The following RYR1 variants were observed in gnomAD, a reference collection of about 807,000 sequenced individuals.
RYR1 encodes central core disease of muscle.
A neutral mutation model predicts 583.5 loss-of-function variants in RYR1; 342 were observed. That is an observed-to-expected ratio of 0.59 (90% CI 0.54 to 0.64). The LOEUF is 0.64. RYR1 is among the 30% of genes least tolerant of loss of function. The probability of loss-of-function intolerance (pLI) is 0.00; values close to 1 mark genes in which losing one functional copy is unlikely to be tolerated. For missense variants in RYR1, 6,032 were observed against 6,917.2 expected, an observed-to-expected ratio of 0.87 and a Z score of 4.54; for synonymous variants, 2,791 against 2,822.5, an observed-to-expected ratio of 0.99 and a Z score of 0.35.
intron 66 of RYR1, 65 bp downstream of exon 66, chr19:38,517,756 T>C: frequency 6.7e-7 from 1 of 1,487,662 alleles, no homozygotes; most frequent in Non-Finnish European, 9.4e-7. Context: ...TGGCAGATGG[T>C]CTGAAAGGGA....
In RYR1 at chr19:38,494,556, G is replaced by A; in HGVS notation, c.6479G>A (p.Gly2160Asp). 1 of 1,614,102 alleles carries A rather than the reference G, an allele frequency of 6.2e-7. No homozygotes were observed. The highest frequency in any genetic ancestry group is 8.5e-7 in the Non-Finnish European group (1 of 1,180,042). Residue 2160 changes from glycine to aspartate, a missense_variant, in exon 39 of 106, where the codon GGC (glycine) becomes GAC (aspartate). Around this residue, in one of 11 missense-constraint regions of RYR1, gnomAD observed 2,627 missense variants for 2,961.3 expected, o/e 0.89. Transcript: ENST00000359596. ...EDTMSLLECL[G>D]QIRSLLIVQM... ...ACCATGAGCCTGCTCGAGTGCCTCG[G>A]CCAGATCCGCTCGCTGCTCATCGTG...
In RYR1 at chr19:38,440,852, T is replaced by C. The variant is rs751118259; in HGVS notation, c.153T>C (p.Thr51=). 1.4e-5 allele frequency: 22 copies of C among 1,611,836 alleles called. No homozygotes were observed. Among genetic ancestry groups the C allele is most frequent in the Non-Finnish European group, 1.7e-5 (20 of 1,179,696 alleles). ...FGNRLCFLEP[T]SNAQNVPPDL... ...ACCGCCTGTGCTTCCTGGAGCCCAC[T>C]AGCAACGCGCAGGTCTGTGCAGGAG... The change falls in exon 2 of 106, where the codon ACT becomes ACC. Residue 51 remains threonine, a synonymous_variant. Transcript: ENST00000359596.
chr19:38,533,343 A>T (rs1971825186), intron 78 of RYR1, among the ~76,000 whole-genome samples: 1 of 152,210 alleles, frequency 6.6e-6, no homozygotes, highest in South Asian at 2.1e-4. Flanking sequence ...TCTGTGCCAG[A>T]GTCCCTTCTG....
rs756855060 is a variant in RYR1 at position 38,561,218 on chromosome 19, C to T, written c.12388C>T (p.Arg4130Cys). Residue 4130 changes from arginine (R) to cysteine (C), a missense_variant, in exon 90 of 106, where the codon CGC becomes TGC. Transcript: ENST00000359596. The surrounding 1 kb of genome is among the most constrained non-coding windows in gnomAD (Gnocchi z 4.8). ...EMINCEEFAN[R>C]FQEPARDIGF... ...GATCAACTGCGAAGAGTTCGCCAAC[C>T]GCTTCCAGGAGCCAGCACGCGACAT... 4 of 1,614,138 alleles carry T rather than the reference C, an allele frequency of 2.5e-6. No individual in the cohort carries two copies. The highest frequency in any genetic ancestry group is 3.4e-6 in the Non-Finnish European group (4 of 1,180,034).
intron 89 of RYR1, among the ~76,000 whole-genome samples, chr19:38,559,641 C>T (rs1277869899): frequency 2.0e-5 from 3 of 152,028 alleles, no homozygotes; most frequent in Non-Finnish European, 4.4e-5. Context: ...ATTATGTCTC[C>T]ATGCTCTGTG....
Position 38,565,023 on chromosome 19 carries a change from T to G in RYR1, c.12689T>G (p.Met4230Arg), listed in dbSNP as rs1568581848. 6.3e-7 allele frequency: 1 copy of G among 1,589,416 alleles called. No individual in the cohort carries two copies. The highest frequency in any genetic ancestry group is 8.6e-7 in the Non-Finnish European group (1 of 1,168,632). The change falls in exon 91 of 106, where the codon ATG becomes AGG. Residue 4230 changes from methionine (M) to arginine (R), a missense_variant. By Grantham distance (91) the Met-to-Arg change is moderately conservative (BLOSUM62 -1). Around this residue, in one of 11 missense-constraint regions of RYR1, gnomAD observed 753 missense variants for 759.6 expected, o/e 0.99. Transcript: ENST00000359596. The surrounding 1 kb of genome is among the most constrained non-coding windows in gnomAD (Gnocchi z 4.7). The stretch of plus-strand genomic sequence containing the variant: ...AACGAGGGCGGCGAGGCTGAGAAGA[T>G]GGAGCTCTTCGTGAGTTTCTGCGAG... The part of the protein sequence containing the change: ...VVNEGGEAEK[M>R]ELFVSFCEDT...
intron 65 of RYR1, 64 bp downstream of exon 65, chr19:38,516,281 A>T (rs1970968014): frequency 1.3e-6 from 2 of 1,526,258 alleles, no homozygotes; most frequent in East Asian, 4.9e-5. Flanking sequence ...GGCCTTGGGG[A>T]GACCCTAATT....
At chr19:38,538,421 T>A (rs1972067779) in intron 84 of RYR1, 1 of 176,748 alleles carries the variant, frequency 5.7e-6, no homozygotes, top group South Asian at 1.2e-4. Context: ...TCGCTGGAAT[T>A]TCTGGAATCT....
intron 92 of RYR1, among the ~76,000 whole-genome samples, chr19:38,567,224 G>T (rs1973484047): frequency 6.6e-6 from 1 of 152,122 alleles, no homozygotes; most frequent in African/African-American, 2.4e-5. Flanking sequence ...GTGTGGGGAG[G>T]CTGAGGTGGG....
intron 22 of RYR1, 73 bp downstream of exon 22, chr19:38,463,923 G>A (rs1967936396): frequency 1.8e-6 from 2 of 1,117,036 alleles, no homozygotes; most frequent in Non-Finnish European, 2.7e-6. Context: ...GGAGAGACAG[G>A]GCAGGAGGTA....
intron 13 of RYR1, 102 bp from the exon 14 acceptor site, chr19:38,455,133 G>A (rs1967297318): frequency 1.8e-5 from 25 of 1,362,104 alleles, no homozygotes; most frequent in South Asian, 8.2e-5. Flanking sequence ...GGAACACACC[G>A]TCACTAGTTG....
Position 38,560,072 on chromosome 19 carries a change from A to G in RYR1, c.12283-1041A>G, listed in dbSNP as rs565269371. 3.0e-3 allele frequency among the ~76,000 whole-genome samples: 450 copies of G among 152,348 alleles called. 3 individuals are homozygous for G. Among genetic ancestry groups the G allele is most frequent in the African/African-American group, 0.01 (430 of 41,586 alleles). The stretch of plus-strand genomic sequence containing the variant: ...ATGTTCAAGAAAAGTGTTGTCTGAA[A>G]GAAATCTGTGGGTGAACTTGGTGAT... On this transcript the variant is annotated intron_variant, in intron 89 of 105. Coordinates refer to ENST00000359596, the MANE Select transcript of RYR1 (RefSeq NM_000540.3).
intron 83 of RYR1, among the ~76,000 whole-genome samples, chr19:38,537,284 T>A (rs1972015851): frequency 6.6e-6 from 1 of 152,136 alleles, no homozygotes; most frequent in Non-Finnish European, 1.5e-5. Flanking sequence ...CCATTTGCGG[T>A]CTAGCCTCCT....
In RYR1 at chr19:38,504,208, G is replaced by T. The variant is rs752323382; in HGVS notation, c.7927-12G>T. The T allele has an allele frequency of 2.5e-6, 4 of 1,608,276 alleles. 1 individual carries two copies. The South Asian group carries it at 4.4e-5, about 18-fold the overall frequency. Reference sequence around the variant, plus strand: ...CCCCTCATTTGTGTGTCCCCCTCTTGTTCCCACCCAGCTCCTCACCAACCA... The same window carrying T: ...CCCCTCATTTGTGTGTCCCCCTCTTTTTCCCACCCAGCTCCTCACCAACCA... On this transcript the variant is annotated splice_polypyrimidine_tract_variant and intron_variant, in intron 49 of 105. Coordinates refer to ENST00000359596, the MANE Select transcript of RYR1 (RefSeq NM_000540.3).
At chr19:38,534,860 A>G in intron 79 of RYR1, 41 bp downstream of exon 79, 1 of 1,571,698 alleles carries the variant, frequency 6.4e-7, no homozygotes, top group Non-Finnish European at 8.7e-7. Flanking sequence ...GAGTGCACTC[A>G]TCCTAACCTC....
In RYR1 at chr19:38,462,377, G is replaced by A. The variant is rs573939700; in HGVS notation, c.2578-1046G>A. The stretch of plus-strand genomic sequence containing the variant: ...TAGTAGCAGTGATATCATCTGCGGG[G>A]GTGACTTCATCCCCCTGTCCCCAGA... On this transcript the variant is annotated intron_variant, in intron 20 of 105. Coordinates refer to ENST00000359596, the MANE Select transcript of RYR1 (RefSeq NM_000540.3). Among the ~76,000 whole-genome samples, 3 of 152,230 alleles carry A rather than the reference G, an allele frequency of 2.0e-5. No individual in the cohort carries two copies. The East Asian group carries it at 5.8e-4, about 29-fold the overall frequency.
At chr19:38,436,499 A>G (rs1972434324) in intron 1 of RYR1, among the ~76,000 whole-genome samples, 1 of 152,090 alleles carries the variant, frequency 6.6e-6, no homozygotes, top group Non-Finnish European at 1.5e-5. Context: ...ATAAGCCACC[A>G]TGCCCGGCCT....
chr19:38,586,962 C>T (rs1371854716), intron 105 of RYR1, among the ~76,000 whole-genome samples: 2 of 148,430 alleles, frequency 1.3e-5, no homozygotes, highest in African/African-American at 5.2e-5. Context: ...CAGAGCGATA[C>T]TCCATCTCAA....
chr19:38,435,725 G>A (rs1027358422), intron 1 of RYR1, among the ~76,000 whole-genome samples: 3 of 152,022 alleles, frequency 2.0e-5, no homozygotes, highest in Non-Finnish European at 2.9e-5. Context: ...GCGACAGGGC[G>A]AGACTCCATC....
Sources: allele counts gnomAD v4.1 joint callset (sites outside exome capture counted in the v4.1 genomes callset), GRCh38; gene constraint gnomAD v4.1.1; regional missense constraint gnomAD v4.1.1; non-coding constraint Gnocchi (gnomAD v3.1); transcripts MANE v1.5; gene names NCBI Gene and HGNC (gene_info 2026-07-23, HGNC 2026-07-21).